CCDC60: variants seen among roughly 807,000 people sequenced by gnomAD.
CCDC60 encodes the protein coiled-coil domain containing 60.
A neutral mutation model predicts 63.5 loss-of-function variants in CCDC60; 54 were observed. The ratio of observed to expected loss-of-function variants is 0.85; its 90% CI spans 0.68 to 1.07. CCDC60 has a LOEUF of 1.07. Ranked by LOEUF, CCDC60 falls within the 50% of genes least tolerant of loss-of-function variation. CCDC60 has a pLI of 0.00. For synonymous variants in CCDC60, 206 were observed against 238.8 expected (o/e 0.86, Z 1.27); for missense variants, 651 against 684.3 (o/e 0.95, Z 0.54).
At chr12:119,359,948 C>T (rs12372351) in intron 1 of CCDC60, among the ~76,000 whole-genome samples, 22,232 of 151,614 alleles carry the variant, frequency 0.15, 1,921 homozygotes, top group South Asian at 0.34. Context: ...TACACAGACA[C>T]GGCAACCATC....
chr12:119,472,987 T>C (rs1329253974), intron 3 of CCDC60, among the ~76,000 whole-genome samples: 6 of 152,140 alleles, frequency 3.9e-5, no homozygotes, highest in Non-Finnish European at 8.8e-5. Flanking sequence ...AAAATAACAA[T>C]AAAAACAGAT....
At chr12:119,535,283 C>A (rs1464025566) in intron 13 of CCDC60, among the ~76,000 whole-genome samples, 1 of 151,922 alleles carries the variant, frequency 6.6e-6, no homozygotes, top group Admixed American at 6.6e-5. Flanking sequence ...TTTTTTATTG[C>A]GTCTATTTGA....
At chr12:119,373,365 G>A (rs527849144) in intron 1 of CCDC60, among the ~76,000 whole-genome samples, 1 of 152,294 alleles carries the variant, frequency 6.6e-6, no homozygotes, top group Admixed American at 6.5e-5. Flanking sequence ...CCCACCGGCA[G>A]CTATGTGACT....
intron 1 of CCDC60, among the ~76,000 whole-genome samples, chr12:119,344,038 T>G (rs1471743635): frequency 6.6e-6 from 1 of 152,140 alleles, no homozygotes; most frequent in African/African-American, 2.4e-5. Context: ...ACTAAAGCTT[T>G]AAATAATTGG....
At chr12:119,462,583 T>G (rs1254679746) in intron 2 of CCDC60, among the ~76,000 whole-genome samples, 1 of 152,222 alleles carries the variant, frequency 6.6e-6, no homozygotes, top group African/African-American at 2.4e-5. Context: ...ACCAACTTGT[T>G]AATTACTACA....
At chr12:119,519,904 G>A (rs1016278165) in intron 8 of CCDC60, among the ~76,000 whole-genome samples, 1 of 151,826 alleles carries the variant, frequency 6.6e-6, no homozygotes, top group African/African-American at 2.4e-5. Context: ...TCTAAATGCA[G>A]CTTCTGGGGC....
At chr12:119,520,328 CT>C in intron 9 of CCDC60, 136 bp downstream of exon 9, 1 of 693,462 alleles carries the variant, frequency 1.4e-6, no homozygotes, top group Non-Finnish European at 2.4e-6. Context: ...TATGACCTCA[CT>C]AGAAACAAGC....
chr12:119,469,750 G>A (rs1281652932), intron 2 of CCDC60, among the ~76,000 whole-genome samples: 1 of 152,186 alleles, frequency 6.6e-6, no homozygotes, highest in Non-Finnish European at 1.5e-5. Context: ...GATTGTGAAT[G>A]GCCAATGATT....
Position 119,393,378 on chromosome 12 carries a change from G to A in CCDC60, c.91-35305G>A, listed in dbSNP as rs571637468. ...CAATAGCATCCAAGAGTTCCAAAGCGTATTTCTGATTTTATACTTCCTGCA... is the reference window on the plus strand; with the variant it reads ...CAATAGCATCCAAGAGTTCCAAAGCATATTTCTGATTTTATACTTCCTGCA... On this transcript the variant is annotated intron_variant, in intron 1 of 13. Transcript: ENST00000327554. Among the ~76,000 whole-genome samples the A allele has an allele frequency of 1.0e-3, 159 of 152,298 alleles. 1 individual carries two copies. The highest frequency in any genetic ancestry group is 3.6e-3 in the African/African-American group (151 of 41,562).
chr12:119,405,121 GCTGCA>G (rs1234454623), intron 1 of CCDC60, among the ~76,000 whole-genome samples: 2 of 152,132 alleles, frequency 1.3e-5, no homozygotes, highest in Admixed American at 6.6e-5. Flanking sequence ...TCCACCCCAG[GCTGCA>G]AACTGCAGCC....
chr12:119,484,722 A>G (rs1024847299), intron 4 of CCDC60, among the ~76,000 whole-genome samples: 2 of 151,636 alleles, frequency 1.3e-5, no homozygotes, highest in Non-Finnish European at 2.9e-5. Flanking sequence ...CAAAAAAAAT[A>G]AAAAAAAAGA....
chr12:119,520,348 T>G (rs978912913), intron 9 of CCDC60, among the ~76,000 whole-genome samples, 156 bp downstream of exon 9: 1 of 152,062 alleles, frequency 6.6e-6, no homozygotes, highest in African/African-American at 2.4e-5. Context: ...GCCCCTTTAC[T>G]GCAGGGCCGG....
At position 119,507,603 on chromosome 12, in the gene CCDC60, TA is replaced by T. The variant is rs1566050723; in HGVS notation, c.883+2301del. Among the ~76,000 whole-genome samples the T allele has an allele frequency of 3.6e-3, 102 of 28,170 alleles. 7 individuals are homozygous for T. Among genetic ancestry groups the T allele is most frequent in the African/African-American group, 0.014 (60 of 4,282 alleles). 18.5% of individuals were successfully genotyped at this position (28,170 alleles called of 152,430 possible). ...ACACATATATATACATATATATATA[TA>T]TATATATATATTTTTTTTTTTTTTT... is the stretch of plus-strand genomic sequence containing the variant. On this transcript the variant is annotated intron_variant, in intron 7 of 13. Transcript: ENST00000327554.
chr12:119,360,295 AC>A (rs1439545463), intron 1 of CCDC60, among the ~76,000 whole-genome samples: 1 of 124,290 alleles, frequency 8.0e-6, no homozygotes, highest in Non-Finnish European at 1.7e-5. Context: ...CAGGGGGCTG[AC>A]CCCCCCACCT....
At chr12:119,379,239 G>A (rs564990481) in intron 1 of CCDC60, among the ~76,000 whole-genome samples, 1 of 152,352 alleles carries the variant, frequency 6.6e-6, no homozygotes, top group Admixed American at 6.5e-5. Context: ...CCCATGTGGG[G>A]TGTCCTCCAA....
intron 1 of CCDC60, among the ~76,000 whole-genome samples, chr12:119,396,983 T>C (rs910115677): frequency 1.3e-5 from 2 of 152,214 alleles, no homozygotes; most frequent in Non-Finnish European, 2.9e-5. Context: ...GTTTCTTCTT[T>C]CTAGTGGGTT....
chr12:119,425,626 C>T (rs1956886671), intron 1 of CCDC60, among the ~76,000 whole-genome samples: 1 of 152,206 alleles, frequency 6.6e-6, no homozygotes, highest in East Asian at 1.9e-4. Flanking sequence ...TGACTCTCTT[C>T]TCTGCCTTTC....
chr12:119,527,297 A>C (rs192242224), intron 11 of CCDC60, among the ~76,000 whole-genome samples: 104 of 152,252 alleles, frequency 6.8e-4, no homozygotes, highest in African/African-American at 1.9e-3. Context: ...GAGGAGCAAA[A>C]AAATAACTAT....
At chr12:119,455,920 GGAAA>G (rs1167067517) in intron 2 of CCDC60, among the ~76,000 whole-genome samples, 45 of 92,308 alleles carry the variant, frequency 4.9e-4, no homozygotes, top group African/African-American at 1.8e-3. Flanking sequence ...GAAGGAAGGA[GGAAA>G]GAAAGAAAGA....
Sources: gnomAD v4.1 joint callset for allele counts (sites outside exome capture counted in the v4.1 genomes callset) on GRCh38, gnomAD v4.1.1 for gene constraint, MANE v1.5 for transcripts, NCBI Gene and HGNC (gene_info 2026-07-23, HGNC 2026-07-21) for gene names.